UBR4: variants seen among roughly 807,000 people sequenced by gnomAD.
The protein encoded by UBR4 is E3 ubiquitin-protein ligase UBR4.
Under a neutral mutation model 575.6 loss-of-function variants are expected in UBR4, and 124 were observed. That is an observed-to-expected ratio of 0.22 (90% CI 0.19 to 0.25). The LOEUF (loss-of-function observed/expected upper bound fraction) is 0.25. Among genes scored for constraint, UBR4 ranks in the 10% least tolerant of loss-of-function variants. The probability of loss-of-function intolerance (pLI) is 1.00; values close to 1 mark genes in which losing one functional copy is unlikely to be tolerated. For synonymous variants in UBR4, 2,455 were observed against 2,473.7 expected (o/e 0.99, Z 0.22); for missense variants, 4,818 against 6,478.8 (o/e 0.74, Z 8.80).
chr1:19,128,302 G>C lies in UBR4; in HGVS notation c.9020C>G (p.Thr3007Ser). 1 of 1,614,020 alleles carries C rather than the reference G, an allele frequency of 6.2e-7. No individual in the cohort carries two copies. Among genetic ancestry groups the C allele is most frequent in the Non-Finnish European group, 8.5e-7 (1 of 1,179,932 alleles). Residue 3007 changes from threonine (T) to serine (S), a missense_variant, in exon 62 of 106, where the codon ACT (threonine) becomes AGT (serine). By Grantham distance (58) the Thr-to-Ser change is moderately conservative. Coordinates refer to ENST00000375254, the MANE Select transcript of UBR4 (RefSeq NM_020765.3). ...IPYMQVILML[T>S]TDLDGEDEKD... ...CTCATCTTCTCCATCCAGATCTGTA[G>C]TGAGCATTAGAATGACCTAGAAGTC...
In UBR4 at chr1:19,179,298, G is replaced by A. The variant is rs927056665; in HGVS notation, c.2185-78C>T. 2.5e-5 allele frequency: 34 copies of A among 1,380,932 alleles called. No homozygotes were observed. The Admixed American group carries it at 2.8e-4, about 11-fold the overall frequency. The allele number at this position is 1,380,932 out of a possible 1,614,324, so 85.5% of individuals were successfully genotyped here. On this transcript the variant is annotated intron_variant, in intron 17 of 105. Transcript: ENST00000375254. ...CAAAAGGTTACTCATGTTCTCAAAC[G>A]TTTGTTTGTTTAATATTGAACAGAA...
chr1:19,119,467 T>C, intron 70 of UBR4, 90 bp downstream of exon 70: 1 of 1,522,166 alleles, frequency 6.6e-7, no homozygotes, highest in Non-Finnish European at 8.9e-7. Context: ...ATGGACTCCC[T>C]ATATCTGGGT....
In UBR4 at chr1:19,093,245, C is replaced by A; in HGVS notation, c.14111+68G>T. On this transcript the variant is annotated intron_variant, in intron 96 of 105. Transcript: ENST00000375254. This position sits in a 1 kb window ranked among gnomAD's most constrained non-coding sequence, Gnocchi z 4.8. ...ACACGTGAAGCTTTATGCCAAGATGCTGATGGAGAAGGAAAAGGAAAGGGC... is the reference window on the plus strand; with the variant it reads ...ACACGTGAAGCTTTATGCCAAGATGATGATGGAGAAGGAAAAGGAAAGGGC... 1 of 1,562,802 alleles carries A rather than the reference C, an allele frequency of 6.4e-7. No homozygotes were observed. The highest frequency in any genetic ancestry group is 1.8e-5 in the Admixed American group (1 of 55,784).
chr1:19,138,970 A>G, intron 59 of UBR4, 113 bp downstream of exon 59: 1 of 1,289,918 alleles, frequency 7.8e-7, no homozygotes, highest in Non-Finnish European at 1.0e-6. Flanking sequence ...AAGACTTTCA[A>G]TGAGTCTCTA....
intron 22 of UBR4, 28 bp downstream of exon 22, chr1:19,174,291 A>G (rs1315378502): frequency 1.9e-6 from 3 of 1,588,960 alleles, no homozygotes; most frequent in East Asian, 2.2e-5. Context: ...ACACAACCCA[A>G]AGACTTCTCA....
At chr1:19,193,961 GATTCCA>G (rs1254140422) in intron 8 of UBR4, among the ~76,000 whole-genome samples, 4 of 152,222 alleles carry the variant, frequency 2.6e-5, no homozygotes, top group African/African-American at 9.6e-5. Context: ...CTTATTGTAT[GATTCCA>G]ACTACATGAC....
rs772840913 is a variant in UBR4, at chr1:19,086,283, G to C, written c.14688-13C>G. On this transcript the variant is annotated splice_polypyrimidine_tract_variant and intron_variant, in intron 100 of 105. Transcript: ENST00000375254. Reference sequence around the variant, plus strand: ...GCCTCGAGCCAACCTGGATAGGGAGGAGAGCAGGGACAAGCGACTGCTGGC... The same window carrying C: ...GCCTCGAGCCAACCTGGATAGGGAGCAGAGCAGGGACAAGCGACTGCTGGC... 1 of 1,500,636 alleles carries C rather than the reference G, an allele frequency of 6.7e-7. No individual in the cohort carries two copies. Among genetic ancestry groups the C allele is most frequent in the Non-Finnish European group, 9.0e-7 (1 of 1,111,890 alleles). The allele number at this position is 1,500,636 out of a possible 1,614,324, so 93.0% of individuals were successfully genotyped here. A position where few individuals can be genotyped will look rare whatever the true frequency, so the allele number is the denominator to read the frequency against.
At chr1:19,115,085 G>A (rs181728294) in intron 74 of UBR4, 136 bp from the exon 75 acceptor site, 25 of 1,323,888 alleles carry the variant, frequency 1.9e-5, no homozygotes, top group Non-Finnish European at 1.0e-6. Context: ...AATAACAAAT[G>A]AATGACTTAA....
In UBR4 at chr1:19,121,926, T is replaced by C. The variant is rs745546392; in HGVS notation, c.9895+8A>G. The C allele has an allele frequency of 3.1e-6, 5 of 1,614,140 alleles. No homozygotes were observed. The highest frequency in any genetic ancestry group is 4.2e-6 in the Non-Finnish European group (5 of 1,179,986). On this transcript the variant is annotated splice_region_variant and intron_variant, in intron 67 of 105. Transcript: ENST00000375254. ...ATAACAGCAATCAAAAGGAGCAGCATTGCTTACAGTCATCTTTGATGCAGA... is the reference window on the plus strand; with the variant it reads ...ATAACAGCAATCAAAAGGAGCAGCACTGCTTACAGTCATCTTTGATGCAGA...
intron 88 of UBR4, 142 bp downstream of exon 88, chr1:19,101,378 G>A (rs1434089366): frequency 8.2e-7 from 1 of 1,213,030 alleles, no homozygotes; most frequent in Admixed American, 3.1e-5. Flanking sequence ...TCACTTTTAT[G>A]GCGGTGGATC....
At chr1:19,156,987 G>A in intron 40 of UBR4, 62 bp from the exon 41 acceptor site, 3 of 1,557,312 alleles carry the variant, frequency 1.9e-6, no homozygotes, top group African/African-American at 1.4e-5. Flanking sequence ...GTCAAAGCAA[G>A]TAACAAAAAC....
intron 32 of UBR4, 120 bp downstream of exon 32, chr1:19,164,679 G>A: frequency 7.5e-7 from 1 of 1,335,560 alleles, no homozygotes; most frequent in Non-Finnish European, 1.0e-6. Flanking sequence ...TGAGTCTAGA[G>A]AGAGGTAGAT....
chr1:19,107,054 G>A, intron 81 of UBR4, 88 bp from the exon 82 acceptor site: 7 of 1,550,028 alleles, frequency 4.5e-6, no homozygotes, highest in Non-Finnish European at 6.1e-6. Context: ...GCCCCAGGGG[G>A]TGATGTGCAA....
chr1:19,081,268 A>G, intron 103 of UBR4, 81 bp downstream of exon 103: 12 of 1,241,466 alleles, frequency 9.7e-6, no homozygotes, highest in Non-Finnish European at 1.4e-5. Flanking sequence ...GCCTTCACCT[A>G]GCACGTGCGT....
Position 19,117,787 on chromosome 1 carries a change from T to G in UBR4, c.10629+36A>C. ...GAAACAAGAATCCCACTGGACCTAT[T>G]GGCCTCAGGACTGTCCATGTACAGA... On this transcript the variant is annotated intron_variant, in intron 72 of 105. Transcript: ENST00000375254. This position sits in a 1 kb window ranked among gnomAD's most constrained non-coding sequence, Gnocchi z 4.0. The G allele has an allele frequency of 6.3e-7, 1 of 1,579,452 alleles. No homozygotes were observed.
In UBR4 at chr1:19,121,372, G is replaced by A; in HGVS notation, c.9958C>T (p.Leu3320=). The A allele has an allele frequency of 1.2e-6, 2 of 1,614,130 alleles. No individual in the cohort carries two copies. The highest frequency in any genetic ancestry group is 3.3e-4 in the Middle Eastern group (2 of 6,060). ...LVDEGVSPVL[L]QLLSCALCGS... ...CACAGAGCACAGGAGAGCAGTTGCAGCAGCACTGGGGACACGCCCTCATCC... is the reference window on the plus strand; with the variant it reads ...CACAGAGCACAGGAGAGCAGTTGCAACAGCACTGGGGACACGCCCTCATCC... Residue 3320 remains leucine (L), a synonymous_variant, in exon 68 of 106, where the codon CTG becomes TTG. Transcript: ENST00000375254.
chr1:19,104,003 A>T, intron 87 of UBR4, 81 bp downstream of exon 87: 1 of 1,516,898 alleles, frequency 6.6e-7, no homozygotes, highest in Non-Finnish European at 9.0e-7. Context: ...GATCTGTGGA[A>T]CTGGGGGAAA....
At chr1:19,102,021 TAC>T (rs1557582714) in intron 87 of UBR4, among the ~76,000 whole-genome samples, 1 of 152,224 alleles carries the variant, frequency 6.6e-6, no homozygotes, top group Non-Finnish European at 1.5e-5. Context: ...AAAAGGAAGT[TAC>T]AGTTAGTTTT....
Position 19,168,092 on chromosome 1 carries a change from C to A in UBR4, c.3834G>T (p.Leu1278=). Residue 1278 remains leucine (L), a synonymous_variant, in exon 28 of 106, where the codon CTG becomes CTT. Coordinates refer to ENST00000375254, the MANE Select transcript of UBR4 (RefSeq NM_020765.3). ...AHLGTLCSQS[L]PLAASLKHTL... ...TATGCTTCAGGGAAGCAGCCAGGGG[C>A]AGACTTTGGCTACAGAGAGTCCCCA... The A allele has an allele frequency of 6.2e-7, 1 of 1,613,822 alleles. No homozygotes were observed. The highest frequency in any genetic ancestry group is 2.2e-5 in the East Asian group (1 of 44,878).
Sources: allele counts gnomAD v4.1 joint callset (sites outside exome capture counted in the v4.1 genomes callset), GRCh38; gene constraint gnomAD v4.1.1; non-coding constraint Gnocchi (gnomAD v3.1); transcripts MANE v1.5; gene names NCBI Gene and HGNC (gene_info 2026-07-23, HGNC 2026-07-21).